The following PXK variants were observed in gnomAD, a reference collection of about 807,000 sequenced individuals.
The protein encoded by PXK is PX domain-containing protein kinase-like protein.
In PXK, 35 loss-of-function variants were observed where a neutral mutation model predicts 84.7. That is an observed-to-expected ratio of 0.41 (90% CI 0.32 to 0.55). PXK has a LOEUF of 0.55. Among genes scored for constraint, PXK ranks in the 20% least tolerant of loss-of-function variants. PXK has a pLI of 0.21. For synonymous variants in PXK, 253 were observed against 260.8 expected, an observed-to-expected ratio of 0.97 and a Z score of 0.29; for missense variants, 634 against 699.7, an observed-to-expected ratio of 0.91 and a Z score of 1.06.
chr3:58,413,091 G>GT, intron 17 of PXK, 128 bp downstream of exon 17: 2 of 960,082 alleles, frequency 2.1e-6, no homozygotes, highest in South Asian at 2.7e-5. Flanking sequence ...AGAGAAATCA[G>GT]TGGGAGTGCA....
At chr3:58,403,824 G>T (rs2058982741) in intron 12 of PXK, 38 bp from the exon 13 acceptor site, 3 of 1,444,074 alleles carry the variant, frequency 2.1e-6, no homozygotes, top group East Asian at 4.7e-5. Flanking sequence ...AGTGCACGTG[G>T]TTCAAGAAAG....
chr3:58,377,962 G>A (rs542651621), intron 3 of PXK, among the ~76,000 whole-genome samples: 1 of 152,332 alleles, frequency 6.6e-6, no homozygotes, highest in African/African-American at 2.4e-5. Context: ...CCAGAGTGGG[G>A]TGAAGGTCAA....
intron 3 of PXK, among the ~76,000 whole-genome samples, chr3:58,378,512 T>TTGTGTGTGTG (rs71091375): frequency 0.015 from 398 of 27,092 alleles, 4 homozygotes; most frequent in East Asian, 0.057. Context: ...TTTTTTTTTT[T>TTGTGTGTGTG]TGTGTGTGTG....
At chr3:58,380,011 A>G (rs539126665) in intron 3 of PXK, among the ~76,000 whole-genome samples, 2 of 152,228 alleles carry the variant, frequency 1.3e-5, no homozygotes, top group South Asian at 2.1e-4. Context: ...AATTAAAAAG[A>G]TAAAATTACA....
chr3:58,382,368 T>C, intron 3 of PXK, 146 bp from the exon 4 acceptor site: 1 of 613,638 alleles, frequency 1.6e-6, no homozygotes, highest in South Asian at 3.5e-5. Context: ...TAAATGCAGT[T>C]TTTCACAATT....
At chr3:58,339,396 AT>A (rs2107704265) in intron 1 of PXK, among the ~76,000 whole-genome samples, 1 of 151,658 alleles carries the variant, frequency 6.6e-6, no homozygotes, top group South Asian at 2.1e-4. Flanking sequence ...TGCTCGGCTA[AT>A]TTTTGTATTT....
intron 2 of PXK, among the ~76,000 whole-genome samples, chr3:58,366,196 C>T (rs564641587): frequency 6.6e-6 from 1 of 152,108 alleles, no homozygotes; most frequent in East Asian, 1.9e-4. Flanking sequence ...ATAGTGTATG[C>T]AAATTACTTG....
At chr3:58,344,258 G>A (rs2097780388) in intron 1 of PXK, among the ~76,000 whole-genome samples, 1 of 152,216 alleles carries the variant, frequency 6.6e-6, no homozygotes, top group Admixed American at 6.5e-5. Context: ...CAGAGCACTG[G>A]CGTACTACTT....
intron 1 of PXK, among the ~76,000 whole-genome samples, chr3:58,355,133 GA>G (rs35563568): frequency 5.5e-4 from 33 of 59,836 alleles, no homozygotes; most frequent in Non-Finnish European, 4.4e-4. Flanking sequence ...CAAAGAAAAG[GA>G]AAAAAAAAAA....
chr3:58,397,559 A>G lies in PXK; in HGVS notation c.985-46A>G. On this transcript the variant is annotated intron_variant, in intron 10 of 17. Coordinates refer to ENST00000356151, the MANE Select transcript of PXK (RefSeq NM_017771.5). The surrounding 1 kb of genome is among the most constrained non-coding windows in gnomAD (Gnocchi z 4.7). Reference sequence around the variant, plus strand: ...TTGGGGCAGGAGCGCGAGGGTCCACAAAGCCAAAGTGAAGGGTGAACACGC... The same window carrying G: ...TTGGGGCAGGAGCGCGAGGGTCCACGAAGCCAAAGTGAAGGGTGAACACGC... 3.3e-6 allele frequency: 5 copies of G among 1,531,060 alleles called. No homozygotes were observed. Among genetic ancestry groups the G allele is most frequent in the Non-Finnish European group, 4.5e-6 (5 of 1,104,634 alleles). The allele number at this position is 1,531,060 out of a possible 1,614,324, so 94.8% of individuals were successfully genotyped here.
Position 58,409,794 on chromosome 3 carries a change from A to G in PXK, c.1395+176A>G, listed in dbSNP as rs1296336796. ...TTGGGGAAAAAAAAAGAGTCATATGATAATCAGCCGAGAAATAGCCCATGT... is the reference window on the plus strand; with the variant it reads ...TTGGGGAAAAAAAAAGAGTCATATGGTAATCAGCCGAGAAATAGCCCATGT... On this transcript the variant is annotated intron_variant, in intron 15 of 17. Transcript: ENST00000356151. This position sits in a 1 kb window ranked among gnomAD's most constrained non-coding sequence, Gnocchi z 4.2. Among the ~76,000 whole-genome samples the G allele has an allele frequency of 2.6e-5, 4 of 151,714 alleles. No homozygotes were observed. Among genetic ancestry groups the G allele is most frequent in the African/African-American group, 9.7e-5 (4 of 41,296 alleles).
chr3:58,339,218 G>GT lies in PXK; in HGVS notation c.102+6137dup, dbSNP rs200469293. ...TTGTTGTTGTTGGGTTTTGTGGGGG[G>GT]TTTTTTTTTGTTTTTTTTTGTTTTT... On this transcript the variant is annotated intron_variant, in intron 1 of 17. Transcript: ENST00000356151. Among the ~76,000 whole-genome samples the GT allele has an allele frequency of 4.2e-4, 48 of 113,696 alleles. No homozygotes were observed. In the East Asian group the frequency reaches 4.6e-3, roughly 11 times the overall value. 74.6% of individuals were successfully genotyped at this position (113,696 alleles called of 152,430 possible).
chr3:58,345,303 T>C (rs1410743709), intron 1 of PXK, among the ~76,000 whole-genome samples: 1 of 152,144 alleles, frequency 6.6e-6, no homozygotes, highest in Admixed American at 6.6e-5. Context: ...ACTTGCAAAC[T>C]CCTTTCATAG....
chr3:58,389,999 CAAAAAAA>C (rs61380830), intron 4 of PXK, among the ~76,000 whole-genome samples: 18 of 51,630 alleles, frequency 3.5e-4, no homozygotes, highest in African/African-American at 1.6e-3. Context: ...AACTCCGTCT[CAAAAAAA>C]AAAAAAAAAA....
Position 58,412,906 on chromosome 3 carries a change from T to A in PXK, c.1471T>A (p.Ser491Thr), listed in dbSNP as rs2060412543. 6.2e-7 allele frequency: 1 copy of A among 1,614,034 alleles called. No individual in the cohort carries two copies. Among genetic ancestry groups the A allele is most frequent in the Non-Finnish European group, 8.5e-7 (1 of 1,180,028 alleles). ...TTCTCTGTGTTTTATCTTAGCAGGA[T>A]CTGGGGCCAGCTCACCTCTCACGTC... is the stretch of plus-strand genomic sequence containing the variant. Reference protein sequence around the residue: ...KYSNSNNSAGSGASSPLTSPS... With the variant: ...KYSNSNNSAGTGASSPLTSPS... The change falls in exon 17 of 18, where the codon TCT becomes ACT. Residue 491 changes from serine (S) to threonine (T), a missense_variant. Coordinates refer to ENST00000356151, the MANE Select transcript of PXK (RefSeq NM_017771.5). This position sits in a 1 kb window ranked among gnomAD's most constrained non-coding sequence, Gnocchi z 6.2.
chr3:58,357,556 C>T (rs1420364393), intron 1 of PXK, among the ~76,000 whole-genome samples: 1 of 152,182 alleles, frequency 6.6e-6, no homozygotes, highest in East Asian at 1.9e-4. Context: ...TTTACACCAC[C>T]ATACTACAAA....
chr3:58,389,076 C>G (rs1270347557), intron 4 of PXK, among the ~76,000 whole-genome samples: 2 of 152,042 alleles, frequency 1.3e-5, no homozygotes, highest in Non-Finnish European at 2.9e-5. Flanking sequence ...TTCATAATTT[C>G]TTAATGCAAA....
At position 58,383,976 on chromosome 3, in the gene PXK, C is replaced by T. The variant is rs1185276881; in HGVS notation, c.388+1276C>T. ...TTCAGAGAGGGGAAACAGATGTCTA[C>T]TTGGCAGGCACCAAGTTTTTCTCCA... On this transcript the variant is annotated intron_variant, in intron 4 of 17. Coordinates refer to ENST00000356151, the MANE Select transcript of PXK (RefSeq NM_017771.5). This position sits in a 1 kb window ranked among gnomAD's most constrained non-coding sequence, Gnocchi z 4.0. Among the ~76,000 whole-genome samples, 2 of 152,186 alleles carry T rather than the reference C, an allele frequency of 1.3e-5. No homozygotes were observed. The highest frequency in any genetic ancestry group is 2.1e-4 in the South Asian group (1 of 4,836).
chr3:58,422,103 C>A, intron 17 of PXK: 1 of 985,328 alleles, frequency 1.0e-6, no homozygotes, highest in Middle Eastern at 5.2e-4. Flanking sequence ...CCATTGTTAG[C>A]CATGTGTTGT....
Sources: allele counts gnomAD v4.1 joint callset (sites outside exome capture counted in the v4.1 genomes callset), GRCh38; gene constraint gnomAD v4.1.1; non-coding constraint Gnocchi (gnomAD v3.1); transcripts MANE v1.5; gene names NCBI Gene and HGNC (gene_info 2026-07-23, HGNC 2026-07-21).